Variants in RGL1 observed in about 807,000 individuals in gnomAD.
RGL1 encodes the protein ral guanine nucleotide dissociation stimulator like 1.
In RGL1, 24 loss-of-function variants were observed where a neutral mutation model predicts 95.2. The ratio of observed to expected loss-of-function variants is 0.25; its 90% CI spans 0.18 to 0.35. RGL1 has a LOEUF of 0.35. Ranked by LOEUF, RGL1 falls within the 10% of genes least tolerant of loss-of-function variation. The pLI is 1.00. For synonymous variants in RGL1, 329 were observed against 344.9 expected, an observed-to-expected ratio of 0.95 and a Z score of 0.51; for missense variants, 715 against 936.3, an observed-to-expected ratio of 0.76 and a Z score of 3.08.
At chr1:183,738,794 G>A (rs1446612655) in intron 1 of RGL1, among the ~76,000 whole-genome samples, 2 of 152,022 alleles carry the variant, frequency 1.3e-5, no homozygotes, top group African/African-American at 4.8e-5. Flanking sequence ...CCAGTTACTC[G>A]GGAAGCTGAG....
intron 1 of RGL1, among the ~76,000 whole-genome samples, chr1:183,653,672 G>C (rs1169661965): frequency 6.6e-6 from 1 of 152,218 alleles, no homozygotes; most frequent in Non-Finnish European, 1.5e-5. Flanking sequence ...GAGGCCCATA[G>C]TCCCTGAAGG....
At chr1:183,909,601 A>G (rs1668531281) in intron 14 of RGL1, among the ~76,000 whole-genome samples, 1 of 152,218 alleles carries the variant, frequency 6.6e-6, no homozygotes, top group Admixed American at 6.5e-5. Context: ...TAAAAGGAAG[A>G]CAGGGAAAAT....
At chr1:183,683,728 G>C (rs1653379431) in intron 1 of RGL1, among the ~76,000 whole-genome samples, 3 of 152,184 alleles carry the variant, frequency 2.0e-5, no homozygotes, top group Admixed American at 6.5e-5. Context: ...CTAGTTTGGG[G>C]AAGTTCTCCT....
At chr1:183,857,505 A>C (rs1665231086) in intron 3 of RGL1, among the ~76,000 whole-genome samples, 1 of 152,204 alleles carries the variant, frequency 6.6e-6, no homozygotes, top group East Asian at 1.9e-4. Context: ...CCATAGGCTC[A>C]AGGATGTTGA....
intron 3 of RGL1, among the ~76,000 whole-genome samples, chr1:183,864,877 G>A (rs1205965648): frequency 6.6e-6 from 1 of 152,194 alleles, no homozygotes; most frequent in South Asian, 2.1e-4. Context: ...CAGATGGTGG[G>A]CTTTTATTTT....
intron 1 of RGL1, among the ~76,000 whole-genome samples, chr1:183,702,926 T>C (rs572075186): frequency 1.3e-5 from 2 of 152,316 alleles, no homozygotes; most frequent in African/African-American, 2.4e-5. Flanking sequence ...GTAGCAGTTT[T>C]ATAGTCTCCT....
chr1:183,727,613 G>A (rs1335137755), intron 1 of RGL1, among the ~76,000 whole-genome samples: 1 of 151,970 alleles, frequency 6.6e-6, no homozygotes, highest in Non-Finnish European at 1.5e-5. Context: ...AGTAAGACGA[G>A]GAAGAAAAAT....
chr1:183,735,930 CCTT>C (rs1656910417), intron 1 of RGL1, among the ~76,000 whole-genome samples: 1 of 152,144 alleles, frequency 6.6e-6, no homozygotes, highest in African/African-American at 2.4e-5. Flanking sequence ...TATCTTGAGA[CCTT>C]CTTGGATCCC....
intron 2 of RGL1, among the ~76,000 whole-genome samples, chr1:183,769,556 TATAAC>T (rs776647385): frequency 6.6e-6 from 1 of 152,254 alleles, no homozygotes; most frequent in Admixed American, 6.5e-5. Context: ...AGACACAACA[TATAAC>T]ATAATAAATG....
chr1:183,839,785 T>G (rs1663913719), intron 2 of RGL1, among the ~76,000 whole-genome samples: 1 of 152,182 alleles, frequency 6.6e-6, no homozygotes, highest in South Asian at 2.1e-4. Context: ...TGTCATATTG[T>G]TTATGCAGCC....
chr1:183,798,575 C>T (rs1660815377), intron 2 of RGL1, among the ~76,000 whole-genome samples: 1 of 151,956 alleles, frequency 6.6e-6, no homozygotes. Flanking sequence ...AAGATCTACC[C>T]TCTCAGAAAA....
intron 1 of RGL1, chr1:183,709,322 G>A (rs1242037972): frequency 2.0e-5 from 3 of 152,412 alleles, no homozygotes; most frequent in African/African-American, 7.2e-5. Context: ...GAATGTGTTG[G>A]AGAACTGTTC....
chr1:183,822,676 T>C (rs1248422175), intron 2 of RGL1, among the ~76,000 whole-genome samples: 1 of 152,204 alleles, frequency 6.6e-6, no homozygotes, highest in Non-Finnish European at 1.5e-5. Flanking sequence ...ACCTCTTGTT[T>C]TATACTTATT....
chr1:183,872,947 A>C (rs1332456479), intron 4 of RGL1, among the ~76,000 whole-genome samples: 2 of 152,330 alleles, frequency 1.3e-5, no homozygotes, highest in South Asian at 2.1e-4. Context: ...AAACAAAAGA[A>C]ATGAAGAAGT....
Position 183,924,215 on chromosome 1 carries a change from G to A in RGL1, c.2119+1879G>A, listed in dbSNP as rs566213127. On this transcript the variant is annotated intron_variant, in intron 17 of 17. Transcript: ENST00000360851. ...CACAATAGCAAAACCTGGAACCAAC[G>A]CAAATGCCCATCAATGATAGACTGG... 9.9e-5 allele frequency among the ~76,000 whole-genome samples: 15 copies of A among 152,172 alleles called. 1 individual carries two copies. Among genetic ancestry groups the A allele is most frequent in the East Asian group, 7.7e-4 (4 of 5,182 alleles).
chr1:183,657,527 G>A (rs1302998408), intron 1 of RGL1, among the ~76,000 whole-genome samples: 1 of 150,656 alleles, frequency 6.6e-6, no homozygotes, highest in African/African-American at 2.5e-5. Flanking sequence ...ACCTATGAGT[G>A]AGAACATGCA....
intron 16 of RGL1, among the ~76,000 whole-genome samples, chr1:183,918,369 A>T (rs1411452977): frequency 1.3e-5 from 2 of 152,214 alleles, no homozygotes; most frequent in African/African-American, 2.4e-5. Context: ...GAGGAAACAC[A>T]GGGAAGCCAA....
At chr1:183,863,565 T>A (rs934580754) in intron 3 of RGL1, among the ~76,000 whole-genome samples, 1 of 152,094 alleles carries the variant, frequency 6.6e-6, no homozygotes, top group Non-Finnish European at 1.5e-5. Flanking sequence ...ACCATTTAGG[T>A]GGCTGTTGTA....
chr1:183,648,738 A>G (rs781510132), intron 1 of RGL1: 7 of 1,613,362 alleles, frequency 4.3e-6, no homozygotes, highest in South Asian at 3.3e-5. Context: ...TGGTTTTACT[A>G]TTGTTCCATG....
Sources: gnomAD v4.1 joint callset for allele counts (sites outside exome capture counted in the v4.1 genomes callset) on GRCh38, gnomAD v4.1.1 for gene constraint, MANE v1.5 for transcripts, NCBI Gene and HGNC (gene_info 2026-07-23, HGNC 2026-07-21) for gene names.